Variants in ADGRG3 observed in about 807,000 individuals in gnomAD.
ADGRG3 encodes the protein G protein-coupled receptor 97.
A neutral mutation model predicts 54.3 loss-of-function variants in ADGRG3; 39 were observed. The observed-to-expected ratio is 0.72, with a 90% CI of 0.56 to 0.94. The LOEUF (loss-of-function observed/expected upper bound fraction) is 0.94. Ranked by LOEUF, ADGRG3 falls within the 40% of genes least tolerant of loss-of-function variation. The pLI, the probability that ADGRG3 is intolerant of heterozygous loss-of-function variation, is 0.00. For missense variants in ADGRG3, 654 were observed against 694.6 expected (o/e 0.94, Z 0.66); for synonymous variants, 312 against 290.0 (o/e 1.08, Z -0.77).
chr16:57,688,627 A>T lies in ADGRG3; in HGVS notation c.*166A>T. On this transcript the variant is annotated 3_prime_UTR_variant, in exon 12 of 12. Coordinates refer to ENST00000333493, the MANE Select transcript of ADGRG3 (RefSeq NM_170776.5). Reference sequence around the variant, plus strand: ...ACGTGGCATCAGAGGTCCCATCCAGATCCAACTATAGGTCCAAGAGTCCAC... The same window carrying T: ...ACGTGGCATCAGAGGTCCCATCCAGTTCCAACTATAGGTCCAAGAGTCCAC... The T allele has an allele frequency of 1.6e-6, 1 of 624,722 alleles. No individual in the cohort carries two copies. Among genetic ancestry groups the T allele is most frequent in the East Asian group, 2.7e-5 (1 of 36,380 alleles). The allele number at this position is 624,722 out of a possible 1,614,324, so 38.7% of individuals were successfully genotyped here. A position where few individuals can be genotyped will look rare whatever the true frequency, so the allele number is the denominator to read the frequency against.
chr16:57,683,032 C>T lies in ADGRG3; in HGVS notation c.882-900C>T, dbSNP rs563701691. On this transcript the variant is annotated intron_variant, in intron 8 of 11. Transcript: ENST00000333493. The stretch of plus-strand genomic sequence containing the variant: ...AGTTCAGCTCAGGCTAAGGGGCATT[C>T]AGAGATGGCCTCCCCAGAAGGAAAC... 3.9e-5 allele frequency among the ~76,000 whole-genome samples: 6 copies of T among 152,298 alleles called. No homozygotes were observed. The South Asian group carries it at 1.2e-3, about 32-fold the overall frequency.
intron 4 of ADGRG3, chr16:57,678,847 G>C (rs1459395441): frequency 5.0e-6 from 2 of 399,834 alleles, no homozygotes; most frequent in Non-Finnish European, 9.3e-6. Flanking sequence ...TCAGGGGCAC[G>C]CTATCCTCCC....
chr16:57,682,104 G>A (rs1045695343), intron 8 of ADGRG3, among the ~76,000 whole-genome samples: 1 of 152,212 alleles, frequency 6.6e-6, no homozygotes, highest in Non-Finnish European at 1.5e-5. Flanking sequence ...TATGAGAGTG[G>A]GGACGGGCGT....
At chr16:57,673,225 C>A in intron 1 of ADGRG3, 96 bp from the exon 2 acceptor site, 1 of 1,221,822 alleles carries the variant, frequency 8.2e-7, no homozygotes. Flanking sequence ...TCTAGCCCAA[C>A]CACCAGACTC....
chr16:57,685,114 G>A lies in ADGRG3; in HGVS notation c.1257-529G>A, dbSNP rs188618963. On this transcript the variant is annotated intron_variant, in intron 10 of 11. Transcript: ENST00000333493. ...AGACTCACACCTTGGGATCCATGGG[G>A]CACCCACCACTGGGCCCATGGCTCT... 2.2e-3 allele frequency among the ~76,000 whole-genome samples: 328 copies of A among 152,350 alleles called. 1 individual carries two copies. The highest frequency in any genetic ancestry group is 2.9e-3 in the Non-Finnish European group (194 of 68,030).
intron 5 of ADGRG3, 86 bp downstream of exon 5, chr16:57,679,397 C>T: frequency 1.4e-6 from 2 of 1,397,458 alleles, no homozygotes; most frequent in Non-Finnish European, 2.0e-6. Flanking sequence ...GCATGGGACA[C>T]TACATATCTG....
chr16:57,668,517 C>T, intron 1 of ADGRG3, 112 bp downstream of exon 1: 2 of 1,015,474 alleles, frequency 2.0e-6, no homozygotes, highest in Non-Finnish European at 2.9e-6. Flanking sequence ...GTTGGGGTGT[C>T]TGGGATGTGT....
At chr16:57,687,756 C>T (rs775891296) in intron 11 of ADGRG3, among the ~76,000 whole-genome samples, 5 of 152,192 alleles carry the variant, frequency 3.3e-5, no homozygotes, top group African/African-American at 7.2e-5. Flanking sequence ...TAGCTGACAT[C>T]GTTATTCTTT....
In ADGRG3 at chr16:57,688,583, G is replaced by A. The variant is rs1209713867; in HGVS notation, c.*122G>A. 5 of 716,400 alleles carry A rather than the reference G, an allele frequency of 7.0e-6. No individual in the cohort carries two copies. Among genetic ancestry groups the A allele is most frequent in the Admixed American group, 6.0e-5 (3 of 49,810 alleles). 44.4% of individuals were successfully genotyped at this position (716,400 alleles called of 1,614,324 possible). A position where few individuals can be genotyped will look rare whatever the true frequency, so the allele number is the denominator to read the frequency against. ...GTACAATGTGGCTGGGGAGGGAGAG[G>A]ATGGGACCAGGTTGGACCACGTGGC... On this transcript the variant is annotated 3_prime_UTR_variant, in exon 12 of 12. Coordinates refer to ENST00000333493, the MANE Select transcript of ADGRG3 (RefSeq NM_170776.5).
Position 57,676,261 on chromosome 16 carries a change from C to T in ADGRG3, c.268C>T (p.Pro90Ser). 6.2e-7 allele frequency: 1 copy of T among 1,613,772 alleles called. No homozygotes were observed. The highest frequency in any genetic ancestry group is 8.5e-7 in the Non-Finnish European group (1 of 1,179,630). The change falls in exon 3 of 12, where the codon CCT becomes TCT. Residue 90 changes from proline (P) to serine (S), a missense_variant. Coordinates refer to ENST00000333493, the MANE Select transcript of ADGRG3 (RefSeq NM_170776.5). ...AGGTTTGACGCAGAAGGTGAACACG[C>T]CTTTCCTGAAGGCTTTGGTCCAGAA... ...KEGLTQKVNT[P>S]FLKALVQNLS...
intron 3 of ADGRG3, among the ~76,000 whole-genome samples, chr16:57,677,644 G>T (rs1289144718): frequency 1.3e-5 from 2 of 152,142 alleles, no homozygotes; most frequent in Non-Finnish European, 2.9e-5. Context: ...ACGATTCTTT[G>T]TTTTTTGAAA....
rs2048526019 is a variant in ADGRG3 at position 57,689,238 on chromosome 16, C to T, written c.*777C>T. 2 of 154,344 alleles carry T rather than the reference C, an allele frequency of 1.3e-5. No individual in the cohort carries two copies. Among genetic ancestry groups the T allele is most frequent in the Admixed American group, 1.3e-4 (2 of 15,610 alleles). The allele number at this position is 154,344 out of a possible 1,614,324, so 9.6% of individuals were successfully genotyped here. On this transcript the variant is annotated 3_prime_UTR_variant, in exon 12 of 12. Coordinates refer to ENST00000333493, the MANE Select transcript of ADGRG3 (RefSeq NM_170776.5). ...TCCCACTCATTCAGTGTGTGGGGCC[C>T]CTGAGCAGAGGCTGGGCATTGCCAC...
At chr16:57,677,701 CGT>C (rs1188089325) in intron 3 of ADGRG3, among the ~76,000 whole-genome samples, 1 of 152,180 alleles carries the variant, frequency 6.6e-6, no homozygotes, top group Non-Finnish European at 1.5e-5. Context: ...TCAGAGTAAA[CGT>C]GTGTGTCCTC....
rs11551326 is a variant in ADGRG3, at chr16:57,689,290, G to A, written c.*829G>A. 0.03 allele frequency: 4,742 copies of A among 156,044 alleles called. 119 individuals carry two copies. Among genetic ancestry groups the A allele is most frequent in the Non-Finnish European group, 0.046 (3,268 of 70,346 alleles). 9.7% of individuals were successfully genotyped at this position (156,044 alleles called of 1,614,324 possible). A position where few individuals can be genotyped will look rare whatever the true frequency, so the allele number is the denominator to read the frequency against. Reference sequence around the variant, plus strand: ...AGGACCTGAGCTCCTAGAGAACAAGGACCTGGGTGGCCTCGCTTACTGTTC... The same window carrying A: ...AGGACCTGAGCTCCTAGAGAACAAGAACCTGGGTGGCCTCGCTTACTGTTC... On this transcript the variant is annotated 3_prime_UTR_variant, in exon 12 of 12. Transcript: ENST00000333493.
At chr16:57,673,276 C>T in intron 1 of ADGRG3, 45 bp from the exon 2 acceptor site, 1 of 1,573,646 alleles carries the variant, frequency 6.4e-7, no homozygotes, top group Non-Finnish European at 8.7e-7. Context: ...TCCTTGCTGC[C>T]CATCTTCGTC....
intron 11 of ADGRG3, among the ~76,000 whole-genome samples, chr16:57,687,785 G>A (rs2048502011): frequency 6.6e-6 from 1 of 152,176 alleles, no homozygotes; most frequent in African/African-American, 2.4e-5. Context: ...ACCTTAATAT[G>A]TAAGCCTGCA....
At position 57,685,764 on chromosome 16, in the gene ADGRG3, C is replaced by A; in HGVS notation, c.1378C>A (p.Leu460Met). The A allele has an allele frequency of 6.2e-7, 1 of 1,614,234 alleles. No individual in the cohort carries two copies. Among genetic ancestry groups the A allele is most frequent in the Non-Finnish European group, 8.5e-7 (1 of 1,180,038 alleles). ...LALVVWKIFT[L>M]SRATAVKERG... ...CCTGGTGGTCTGGAAGATCTTCACC[C>A]TGTCCCGTGCTACAGCGGTCAAGGA... Residue 460 changes from leucine (L) to methionine (M), a missense_variant, in exon 11 of 12, where the codon CTG becomes ATG. Transcript: ENST00000333493.
At position 57,685,808 on chromosome 16, in the gene ADGRG3, G is replaced by A. The variant is rs771891499; in HGVS notation, c.1422G>A (p.Lys474=). The A allele has an allele frequency of 6.2e-7, 1 of 1,614,232 alleles. No homozygotes were observed. Among genetic ancestry groups the A allele is most frequent in the South Asian group, 1.1e-5 (1 of 91,084 alleles). The change falls in exon 11 of 12, where the codon AAG becomes AAA. Residue 474 remains lysine (K), a synonymous_variant. Transcript: ENST00000333493. ...TAVKERGKNR[K]KVLTLLGLSS... Reference sequence around the variant, plus strand: ...TCAAGGAGCGGGGGAAGAACCGGAAGAAGGTGCTCACCCTGCTGGGCCTCT... The same window carrying A: ...TCAAGGAGCGGGGGAAGAACCGGAAAAAGGTGCTCACCCTGCTGGGCCTCT...
chr16:57,679,624 G>A (rs4784006), intron 5 of ADGRG3, among the ~76,000 whole-genome samples, 192 bp from the exon 6 acceptor site: 33,555 of 151,986 alleles, frequency 0.22, 4,073 homozygotes, highest in Non-Finnish European at 0.24. Flanking sequence ...ACAGTCGCAC[G>A]CTTCACACGC....
Sources: gnomAD v4.1 joint callset for allele counts (sites outside exome capture counted in the v4.1 genomes callset) on GRCh38, gnomAD v4.1.1 for gene constraint, MANE v1.5 for transcripts, NCBI Gene and HGNC (gene_info 2026-07-23, HGNC 2026-07-21) for gene names.